The following CELF2 variants were observed in gnomAD, a reference collection of about 807,000 sequenced individuals.
CELF2 encodes the protein CUGBP Elav-like family member 2.
Under a neutral mutation model 62.6 loss-of-function variants are expected in CELF2, and 8 were observed. The observed-to-expected ratio is 0.13, with a 90% CI of 0.07 to 0.23. The LOEUF (loss-of-function observed/expected upper bound fraction) is 0.23. Among genes scored for constraint, CELF2 ranks in the 10% least tolerant of loss-of-function variants. CELF2 has a pLI of 1.00. For missense variants in CELF2, 333 were observed against 671.0 expected, an observed-to-expected ratio of 0.50 and a Z score of 5.56; for synonymous variants, 258 against 250.0, an observed-to-expected ratio of 1.03 and a Z score of -0.30.
At chr10:10,917,043 GT>G (rs2064407299) in intron 1 of CELF2, among the ~76,000 whole-genome samples, 1 of 151,212 alleles carries the variant, frequency 6.6e-6, no homozygotes, top group African/African-American at 2.4e-5. Flanking sequence ...TTCTAACTTA[GT>G]TTTTACAGAA....
At chr10:10,720,764 TC>T in the CELF2 span, among the ~76,000 whole-genome samples, 25 of 152,222 alleles carry the variant, frequency 1.6e-4, no homozygotes, top group Non-Finnish European at 3.5e-4. Context: ...TGGACCCAAG[TC>T]ATCTTGATGA....
chr10:10,881,187 G>A (rs569678514), intron 1 of CELF2, among the ~76,000 whole-genome samples: 91 of 152,180 alleles, frequency 6.0e-4, no homozygotes, highest in Middle Eastern at 6.8e-3. Flanking sequence ...CCTGCTATGC[G>A]TAAGTTCTTG....
At chr10:10,862,680 G>A (rs970699662) in intron 1 of CELF2, among the ~76,000 whole-genome samples, 2 of 152,340 alleles carry the variant, frequency 1.3e-5, no homozygotes, top group African/African-American at 2.4e-5. Flanking sequence ...AACAGGAGCT[G>A]TGTTCAATCA....
the CELF2 span, among the ~76,000 whole-genome samples, chr10:10,691,759 G>T: frequency 6.1e-5 from 9 of 147,040 alleles, no homozygotes; most frequent in Admixed American, 4.7e-4. Flanking sequence ...GATGGCCAGT[G>T]ATGATGAGCA....
chr10:11,016,795 G>C (rs115186305), upstream of CELF2, among the ~76,000 whole-genome samples: 420 of 152,302 alleles, frequency 2.8e-3, 2 homozygotes, highest in African/African-American at 9.7e-3. This position sits in a 1 kb window ranked among gnomAD's most constrained non-coding sequence, Gnocchi z 5.2. Context: ...CCATGTGTGT[G>C]TGCGTGTATG....
chr10:10,616,794 C>T, the CELF2 span, among the ~76,000 whole-genome samples: 3 of 151,904 alleles, frequency 2.0e-5, no homozygotes, highest in East Asian at 5.8e-4. Context: ...ATAATCATAG[C>T]TCACTGCAGG....
At chr10:10,978,340 G>A (rs1257255845) in intron 2 of CELF2, among the ~76,000 whole-genome samples, 1 of 151,966 alleles carries the variant, frequency 6.6e-6, no homozygotes, top group Non-Finnish European at 1.5e-5. Context: ...GGTGGAGAAG[G>A]GAAACTATTC....
chr10:11,113,776 T>TA lies in CELF2; in HGVS notation c.75-51709dup, dbSNP rs1197756645. Among the ~76,000 whole-genome samples the TA allele has an allele frequency of 2.6e-5, 4 of 152,274 alleles. No homozygotes were observed. In the East Asian group the frequency reaches 7.7e-4, roughly 29 times the overall value. On this transcript the variant is annotated intron_variant, in intron 1 of 12. Coordinates refer to ENST00000633077, the MANE Select transcript of CELF2 (RefSeq NM_001326342.2). The stretch of plus-strand genomic sequence containing the variant: ...GATTTGCATGAGCTGGGGTCCTGCC[T>TA]AGTCTCCTCTGTGCAGCCAGCCTAG...
chr10:11,285,184 T>C lies in CELF2; in HGVS notation c.842-3234T>C, dbSNP rs762904144. ...AGATAGATGGACGAGCAAATATGGATCCGCCTCCTTGATTGGTTCTGACTA... is the reference window on the plus strand; with the variant it reads ...AGATAGATGGACGAGCAAATATGGACCCGCCTCCTTGATTGGTTCTGACTA... On this transcript the variant is annotated intron_variant, in intron 8 of 12. Transcript: ENST00000633077. The surrounding 1 kb of genome is among the most constrained non-coding windows in gnomAD (Gnocchi z 4.3). 8.1e-4 allele frequency among the ~76,000 whole-genome samples: 123 copies of C among 151,968 alleles called. No individual in the cohort carries two copies. The highest frequency in any genetic ancestry group is 1.5e-3 in the Non-Finnish European group (102 of 67,958).
At position 11,104,285 on chromosome 10, in the gene CELF2, CTT is replaced by C. The variant is rs1175832731; in HGVS notation, c.75-61199_75-61198del. Among the ~76,000 whole-genome samples the C allele has an allele frequency of 2.0e-5, 3 of 152,128 alleles. No individual in the cohort carries two copies. In the East Asian group the frequency reaches 5.8e-4, roughly 29 times the overall value. On this transcript the variant is annotated intron_variant, in intron 1 of 12. Transcript: ENST00000633077. ...TATAATCCTCTATCAGGTGATCAAA[CTT>C]TATGAGATTTTAAAAATAATAGTTT...
intron 1 of CELF2, among the ~76,000 whole-genome samples, chr10:10,892,596 G>A (rs1564779500): frequency 6.6e-6 from 1 of 152,168 alleles, no homozygotes; most frequent in African/African-American, 2.4e-5. Flanking sequence ...ATTCTCATTA[G>A]TGGAGCTTTC....
At chr10:10,717,063 G>A in the CELF2 span, among the ~76,000 whole-genome samples, 1 of 152,220 alleles carries the variant, frequency 6.6e-6, no homozygotes, top group South Asian at 2.1e-4. Flanking sequence ...ACCAAAGGTA[G>A]TAGCAGGAAG....
chr10:10,908,012 C>T (rs779416498), intron 1 of CELF2, among the ~76,000 whole-genome samples: 14 of 151,780 alleles, frequency 9.2e-5, no homozygotes, highest in Non-Finnish European at 1.9e-4. Flanking sequence ...AGATGTTCAT[C>T]TCTCTCTCTC....
intron 1 of CELF2, among the ~76,000 whole-genome samples, chr10:10,850,739 G>T (rs1294009636): frequency 6.6e-6 from 1 of 152,114 alleles, no homozygotes; most frequent in Admixed American, 6.5e-5. Flanking sequence ...ACCTAATGGG[G>T]TGCACAATAT....
chr10:10,514,967 C>T, the CELF2 span, among the ~76,000 whole-genome samples: 4 of 152,188 alleles, frequency 2.6e-5, no homozygotes, highest in African/African-American at 7.2e-5. Flanking sequence ...TTGCAAAGCA[C>T]AGCTAATTAA....
intron 1 of CELF2, among the ~76,000 whole-genome samples, chr10:11,128,222 T>G (rs2131719735): frequency 6.6e-6 from 1 of 152,322 alleles, no homozygotes; most frequent in South Asian, 2.1e-4. Flanking sequence ...AGGGCTCTGT[T>G]CTGTTCCATT....
At chr10:10,585,320 C>T in the CELF2 span, among the ~76,000 whole-genome samples, 1 of 152,134 alleles carries the variant, frequency 6.6e-6, no homozygotes, top group East Asian at 1.9e-4. Context: ...CACAGAGTTC[C>T]AGGACTGGCC....
intron 2 of CELF2, among the ~76,000 whole-genome samples, chr10:11,185,516 G>A (rs1472538297): frequency 6.6e-6 from 1 of 152,168 alleles, no homozygotes; most frequent in African/African-American, 2.4e-5. Context: ...CTGGATTCAA[G>A]TGATTCTCCT....
At chr10:11,233,108 C>A (rs547688738) in intron 3 of CELF2, among the ~76,000 whole-genome samples, 4 of 152,288 alleles carry the variant, frequency 2.6e-5, no homozygotes, top group Non-Finnish European at 4.4e-5. Context: ...CAGTAAAATT[C>A]TAACTAATGA....
Sources: gnomAD v4.1 joint callset for allele counts (sites outside exome capture counted in the v4.1 genomes callset) on GRCh38, gnomAD v4.1.1 for gene constraint, Gnocchi (gnomAD v3.1) non-coding constraint, MANE v1.5 for transcripts, NCBI Gene and HGNC (gene_info 2026-07-23, HGNC 2026-07-21) for gene names.